ARFGAP2: variants seen among roughly 807,000 people sequenced by gnomAD.
ARFGAP2 encodes ADP-ribosylation factor GTPase-activating protein 2.
In ARFGAP2, 45 loss-of-function variants were observed where a neutral mutation model predicts 71.9. The observed-to-expected ratio is 0.63, with a 90% CI of 0.49 to 0.80. The LOEUF is 0.80. Among genes scored for constraint, ARFGAP2 ranks in the 30% least tolerant of loss-of-function variants. The pLI, the probability that ARFGAP2 is intolerant of heterozygous loss-of-function variation, is 0.00. For missense variants in ARFGAP2, 633 were observed against 673.9 expected, an observed-to-expected ratio of 0.94 and a Z score of 0.67; for synonymous variants, 248 against 249.2, an observed-to-expected ratio of 1.00 and a Z score of 0.05.
intron 7 of ARFGAP2, 39 bp from the exon 8 acceptor site, chr11:47,172,372 CAGCTCAGAGGCAGT>C: frequency 6.2e-7 from 1 of 1,608,974 alleles, no homozygotes; most frequent in Non-Finnish European, 8.5e-7. Flanking sequence ...AAGACAAAGG[CAGCTCAGAGGCAGT>C]AGCTCAGTAT....
At chr11:47,175,717 G>C in intron 3 of ARFGAP2, 134 bp downstream of exon 3, 1 of 1,050,400 alleles carries the variant, frequency 9.5e-7, no homozygotes, top group Non-Finnish European at 1.4e-6. Context: ...GAAGTTTTCA[G>C]AAAATAGCTT....
intron 1 of ARFGAP2, 32 bp from the exon 2 acceptor site, chr11:47,176,666 G>T (rs374002463): frequency 6.2e-7 from 1 of 1,613,166 alleles, no homozygotes; most frequent in Non-Finnish European, 8.5e-7. Context: ...CGAATCGTCA[G>T]GGGCCCCGAG....
intron 3 of ARFGAP2, 65 bp downstream of exon 3, chr11:47,175,786 G>A (rs1234356429): frequency 2.5e-6 from 4 of 1,582,556 alleles, no homozygotes; most frequent in African/African-American, 2.7e-5. Context: ...GGCCTCTTAG[G>A]GAGTCGTGCA....
Position 47,168,058 on chromosome 11 carries a change from GA to G in ARFGAP2, c.1071-16del. On this transcript the variant is annotated splice_polypyrimidine_tract_variant and intron_variant, in intron 11 of 15. Coordinates refer to ENST00000524782, the MANE Select transcript of ARFGAP2 (RefSeq NM_032389.6). ...TGTCCTTGTACCTAGGGAGACAGTA[GA>G]GTGGCTCAGAGAAGCCTGATGAGGA... is the stretch of plus-strand genomic sequence containing the variant. 1 of 1,614,188 alleles carries G rather than the reference GA, an allele frequency of 6.2e-7. No homozygotes were observed. Among genetic ancestry groups the G allele is most frequent in the Non-Finnish European group, 8.5e-7 (1 of 1,180,028 alleles).
chr11:47,175,553 C>T lies in ARFGAP2; in HGVS notation c.265-240G>A, dbSNP rs1952774722. ...CCCACTGAACGCTGCCTGAGCACAA[C>T]ATCCCATACCCAGCCTCCCCATCCT... On this transcript the variant is annotated intron_variant, in intron 3 of 15. Coordinates refer to ENST00000524782, the MANE Select transcript of ARFGAP2 (RefSeq NM_032389.6). The T allele has an allele frequency of 2.8e-5, 18 of 649,262 alleles. No homozygotes were observed. In the South Asian group the frequency reaches 2.9e-4, roughly 11 times the overall value. The allele number at this position is 649,262 out of a possible 1,614,324, so 40.2% of individuals were successfully genotyped here.
chr11:47,174,069 C>A, intron 5 of ARFGAP2: 1 of 728,080 alleles, frequency 1.4e-6, no homozygotes. Flanking sequence ...AGAGCCCATT[C>A]TCCTAACTTA....
At chr11:47,167,346 T>A (rs1952425550) in intron 12 of ARFGAP2, among the ~76,000 whole-genome samples, 1 of 152,208 alleles carries the variant, frequency 6.6e-6, no homozygotes, top group African/African-American at 2.4e-5. Flanking sequence ...GTTGCTCTCA[T>A]CTCACGCTGA....
intron 10 of ARFGAP2, 51 bp downstream of exon 10, chr11:47,171,375 G>T (rs1952592311): frequency 6.2e-7 from 1 of 1,607,210 alleles, no homozygotes. Context: ...CCCCGCAATG[G>T]TTCCCAGAAA....
rs1952786582 is a variant in ARFGAP2 at position 47,175,790 on chromosome 11, T to G, written c.264+61A>C. On this transcript the variant is annotated intron_variant, in intron 3 of 15. Transcript: ENST00000524782. ...GAAAACGACAGGGCCTCTTAGGGAG[T>G]CGTGCAAAGTTAGTAACCAGGCAGA... is the stretch of plus-strand genomic sequence containing the variant. The G allele has an allele frequency of 3.1e-6, 5 of 1,593,594 alleles. No homozygotes were observed. In the South Asian group the frequency reaches 4.4e-5, roughly 14 times the overall value.
At chr11:47,174,893 C>G (rs542963981) in intron 5 of ARFGAP2, 122 bp downstream of exon 5, 2 of 1,009,354 alleles carry the variant, frequency 2.0e-6, no homozygotes, top group Non-Finnish European at 3.1e-6. Context: ...GGACTTCATA[C>G]GTGGTGTCCA....
In ARFGAP2 at chr11:47,166,527, T is replaced by C. The variant is rs1319226093; in HGVS notation, c.1405A>G (p.Met469Val). The change falls in exon 14 of 16, where the codon ATG becomes GTG. Residue 469 changes from methionine (M) to valine (V), a missense_variant. Physicochemically the swap from Met to Val is conservative, Grantham distance 21 (BLOSUM62 1). Transcript: ENST00000524782. ...CTACCTGCTCCGTGAGCTCCATCCA[T>C]GTCCCCAAAGAGGTCTGAAGAGCTG... ...AISSSDLFGD[M>V]DGAHGAGSVS... 8.7e-6 allele frequency: 14 copies of C among 1,612,746 alleles called. No homozygotes were observed. Among genetic ancestry groups the C allele is most frequent in the African/African-American group, 1.3e-5 (1 of 75,044 alleles).
chr11:47,175,182 A>C lies in ARFGAP2; in HGVS notation c.396T>G (p.Asp132Glu). The part of the protein sequence containing the change: ...GSAALARHGT[D>E]LWIDNMSSAV... ...CCCAGCCCCAAGAACAGGCACTTAC[A>C]TCAGTGCCATGCCTAGCCAGGGCCG... The change falls in exon 4 of 16, where the codon GAT (aspartate) becomes GAG (glutamate). Residue 132 changes from aspartate to glutamate, a missense_variant and splice_region_variant. Transcript: ENST00000524782. 1 of 1,614,158 alleles carries C rather than the reference A, an allele frequency of 6.2e-7. No individual in the cohort carries two copies. The highest frequency in any genetic ancestry group is 8.5e-7 in the Non-Finnish European group (1 of 1,180,002).
intron 5 of ARFGAP2, 134 bp downstream of exon 5, chr11:47,174,881 G>A (rs746184621): frequency 1.1e-6 from 1 of 914,552 alleles, no homozygotes. Context: ...AGCAGGAACA[G>A]TGGACTTCAT....
chr11:47,168,051 G>A lies in ARFGAP2; in HGVS notation c.1071-8C>T, dbSNP rs757914074. 2 of 1,614,084 alleles carry A rather than the reference G, an allele frequency of 1.2e-6. No homozygotes were observed. Among genetic ancestry groups the A allele is most frequent in the African/African-American group, 2.7e-5 (2 of 74,932 alleles). On this transcript the variant is annotated splice_polypyrimidine_tract_variant and splice_region_variant and intron_variant, in intron 11 of 15. Coordinates refer to ENST00000524782, the MANE Select transcript of ARFGAP2 (RefSeq NM_032389.6). ...AAGGGATTGTCCTTGTACCTAGGGA[G>A]ACAGTAGAGTGGCTCAGAGAAGCCT...
Position 47,171,540 on chromosome 11 carries a change from A to T in ARFGAP2, c.827T>A (p.Leu276Gln). 6.2e-7 allele frequency: 1 copy of T among 1,614,214 alleles called. No homozygotes were observed. The change falls in exon 10 of 16, where the codon CTG becomes CAG. Residue 276 changes from leucine (L) to glutamine (Q), a missense_variant. Physicochemically the swap from Leu to Gln is moderately radical, Grantham distance 113. Coordinates refer to ENST00000524782, the MANE Select transcript of ARFGAP2 (RefSeq NM_032389.6). ...ATCAATCTGGAGCTCCTGGTAGGCC[A>T]GACGCATGGAGGCGACCCTTAGGGG... ...AEESMVASMR[L>Q]AYQELQIDRK...
At chr11:47,167,828 A>C in intron 12 of ARFGAP2, 81 bp downstream of exon 12, 4 of 1,464,162 alleles carry the variant, frequency 2.7e-6, no homozygotes, top group Non-Finnish European at 2.7e-6. Context: ...GTTCTTCTAG[A>C]CAGTGCTGCC....
intron 7 of ARFGAP2, chr11:47,172,652 G>C: frequency 1.5e-6 from 2 of 1,325,820 alleles, no homozygotes; most frequent in Non-Finnish European, 2.0e-6. Context: ...ACCAGGCTCC[G>C]CTTCTAAAGC....
At chr11:47,170,602 G>T (rs777429793) in intron 10 of ARFGAP2, among the ~76,000 whole-genome samples, 1 of 149,894 alleles carries the variant, frequency 6.7e-6, no homozygotes, top group Admixed American at 6.7e-5. Flanking sequence ...AGCCAAGATC[G>T]TGCCATTGCA....
At chr11:47,165,579 C>T (rs1429529010) in intron 15 of ARFGAP2, 77 bp from the exon 16 acceptor site, 3 of 1,441,310 alleles carry the variant, frequency 2.1e-6, no homozygotes, top group Non-Finnish European at 2.8e-6. Flanking sequence ...AAACACACTG[C>T]CTGCCCCAGC....
Sources: gnomAD v4.1 joint callset for allele counts (sites outside exome capture counted in the v4.1 genomes callset) on GRCh38, gnomAD v4.1.1 for gene constraint, MANE v1.5 for transcripts, NCBI Gene and HGNC (gene_info 2026-07-23, HGNC 2026-07-21) for gene names.